The following RNF150 variants were observed in gnomAD, a reference collection of about 807,000 sequenced individuals.
RNF150 encodes the protein ring finger protein 150.
Under a neutral mutation model 39.3 loss-of-function variants are expected in RNF150, and 24 were observed. The ratio of observed to expected loss-of-function variants is 0.61; its 90% CI spans 0.44 to 0.86. RNF150 has a LOEUF of 0.86. RNF150 is among the 40% of genes least tolerant of loss of function. The pLI, the probability that RNF150 is intolerant of heterozygous loss-of-function variation, is 0.00. For missense variants in RNF150, 502 were observed against 587.8 expected (o/e 0.85, Z 1.51); for synonymous variants, 255 against 227.3 (o/e 1.12, Z -1.10).
intron 1 of RNF150, among the ~76,000 whole-genome samples, chr4:141,095,397 A>C (rs1245928799): frequency 1.3e-5 from 2 of 152,200 alleles, no homozygotes; most frequent in African/African-American, 4.8e-5. Flanking sequence ...TGCTTCTCTC[A>C]TAAGGAGCAA....
chr4:141,132,580 A>G lies in RNF150; in HGVS notation c.229T>C (p.Tyr77His). Residue 77 changes from tyrosine to histidine, a missense_variant, in exon 1 of 7, where the codon TAC becomes CAC. Coordinates refer to ENST00000515673, the MANE Select transcript of RNF150 (RefSeq NM_020724.2). This position sits in a 1 kb window ranked among gnomAD's most constrained non-coding sequence, Gnocchi z 4.9. The part of the protein sequence containing the change: ...LHTEKTECGR[Y>H]GEHSPKQDAR... Reference sequence around the variant, plus strand: ...TCCTGCTTGGGCGAGTGCTCTCCGTAGCGCCCGCACTCCGTCTTCTCCGTG... The same window carrying G: ...TCCTGCTTGGGCGAGTGCTCTCCGTGGCGCCCGCACTCCGTCTTCTCCGTG... 1 of 1,576,936 alleles carries G rather than the reference A, an allele frequency of 6.3e-7. No individual in the cohort carries two copies.
intron 6 of RNF150, among the ~76,000 whole-genome samples, 173 bp from the exon 7 acceptor site, chr4:140,868,552 G>A (rs1057486449): frequency 1.1e-4 from 16 of 152,266 alleles, no homozygotes; most frequent in South Asian, 2.1e-4. Context: ...GGGCCAAAAA[G>A]TTAAATGCAA....
rs569210053 is a variant in RNF150 at position 140,982,038 on chromosome 4, C to T, written c.485-14165G>A. On this transcript the variant is annotated intron_variant, in intron 1 of 6. Coordinates refer to ENST00000515673, the MANE Select transcript of RNF150 (RefSeq NM_020724.2). ...ATAGGCACTTTTTCTGTAGTGTTAA[C>T]GTCATCTTCACCATAACTATTATTA... is the stretch of plus-strand genomic sequence containing the variant. Among the ~76,000 whole-genome samples, 5 of 152,228 alleles carry T rather than the reference C, an allele frequency of 3.3e-5. No homozygotes were observed. The South Asian group carries it at 8.3e-4, about 25-fold the overall frequency.
Position 140,929,601 on chromosome 4 carries a change from C to T in RNF150, c.891-3528G>A, listed in dbSNP as rs185976044. 8.7e-4 allele frequency among the ~76,000 whole-genome samples: 132 copies of T among 152,026 alleles called. 1 individual carries two copies. Among genetic ancestry groups the T allele is most frequent in the East Asian group, 2.1e-3 (11 of 5,144 alleles). On this transcript the variant is annotated intron_variant, in intron 4 of 6. Transcript: ENST00000515673. ...CAGGATGGTCTCGATCTCCTGAACT[C>T]GTGATCCACTTGCCTCGGCCTCCCA...
At chr4:140,987,629 G>T (rs1271210126) in intron 1 of RNF150, among the ~76,000 whole-genome samples, 1 of 152,008 alleles carries the variant, frequency 6.6e-6, no homozygotes, top group Non-Finnish European at 1.5e-5. Flanking sequence ...ATAGATTAAA[G>T]ATTTAAACAT....
chr4:141,201,241 C>G (rs973684926), intron 1 of RNF150, among the ~76,000 whole-genome samples: 2 of 152,166 alleles, frequency 1.3e-5, no homozygotes, highest in African/African-American at 4.8e-5. Context: ...TATACAATTA[C>G]TATAAACAAT....
intron 1 of RNF150, among the ~76,000 whole-genome samples, chr4:140,999,942 AAAG>A (rs879391696): frequency 0.18 from 6,017 of 33,862 alleles, 902 homozygotes; most frequent in Middle Eastern, 0.37. Flanking sequence ...GGTCTCAAAA[AAAG>A]AAGAAGAAGA....
At chr4:141,049,118 T>C (rs561945437) in intron 1 of RNF150, among the ~76,000 whole-genome samples, 1 of 152,196 alleles carries the variant, frequency 6.6e-6, no homozygotes, top group African/African-American at 2.4e-5. Flanking sequence ...AGAAAGCAAA[T>C]AGGGCAATAA....
chr4:141,071,657 A>G (rs1284526938), intron 1 of RNF150, among the ~76,000 whole-genome samples: 1 of 152,184 alleles, frequency 6.6e-6, no homozygotes, highest in Non-Finnish European at 1.5e-5. Flanking sequence ...AAAATACAAC[A>G]TCCTATGACT....
chr4:140,883,038 T>C (rs904446127), intron 6 of RNF150, among the ~76,000 whole-genome samples: 6 of 152,122 alleles, frequency 3.9e-5, no homozygotes, highest in African/African-American at 7.2e-5. Flanking sequence ...TTTGATTTGT[T>C]TCTCATTTAT....
At chr4:140,913,982 G>T (rs931897954) in intron 5 of RNF150, among the ~76,000 whole-genome samples, 1 of 152,180 alleles carries the variant, frequency 6.6e-6, no homozygotes, top group Non-Finnish European at 1.5e-5. Flanking sequence ...AAAAGATTTC[G>T]CAAAGAGGGT....
At chr4:140,966,656 CACT>C (rs1733254797) in intron 2 of RNF150, among the ~76,000 whole-genome samples, 1 of 152,032 alleles carries the variant, frequency 6.6e-6, no homozygotes, top group Admixed American at 6.6e-5. Context: ...CTTACCAAAT[CACT>C]AACAATAAAA....
At chr4:140,930,942 G>T (rs964788089) in intron 4 of RNF150, among the ~76,000 whole-genome samples, 143 of 151,142 alleles carry the variant, frequency 9.5e-4, no homozygotes, top group Admixed American at 5.3e-4. Flanking sequence ...ATCTGCTGGG[G>T]TTTTTTTTTG....
intron 1 of RNF150, among the ~76,000 whole-genome samples, chr4:141,061,684 C>T (rs1366561028): frequency 6.6e-6 from 1 of 152,092 alleles, no homozygotes; most frequent in Non-Finnish European, 1.5e-5. Context: ...TCCAAGGAAG[C>T]CTTGCAAATT....
intron 1 of RNF150, among the ~76,000 whole-genome samples, chr4:140,971,143 G>A (rs142149451): frequency 6.6e-6 from 1 of 152,228 alleles, no homozygotes; most frequent in African/African-American, 2.4e-5. Flanking sequence ...ACTGATATGA[G>A]TATCAAATTC....
intron 5 of RNF150, among the ~76,000 whole-genome samples, chr4:140,915,908 CCA>C (rs1560964248): frequency 6.6e-6 from 1 of 152,172 alleles, no homozygotes; most frequent in East Asian, 1.9e-4. Flanking sequence ...TGTTCTGCAG[CCA>C]CCGCTGCTGA....
At chr4:141,172,709 G>T (rs995113790) in intron 1 of RNF150, among the ~76,000 whole-genome samples, 2 of 152,006 alleles carry the variant, frequency 1.3e-5, no homozygotes, top group Non-Finnish European at 2.9e-5. Context: ...AATTACACTT[G>T]GTTCAAAAGC....
intron 1 of RNF150, among the ~76,000 whole-genome samples, chr4:141,124,178 C>G (rs1453687913): frequency 1.3e-5 from 2 of 152,220 alleles, no homozygotes; most frequent in Non-Finnish European, 2.9e-5. Context: ...TCTAATAAAA[C>G]TTTTCTTTCA....
intron 1 of RNF150, among the ~76,000 whole-genome samples, chr4:141,062,306 A>G (rs1737265571): frequency 6.6e-6 from 1 of 152,122 alleles, no homozygotes; most frequent in Admixed American, 6.5e-5. Flanking sequence ...ACATGATATA[A>G]AGATAAACAT....
Sources: allele counts gnomAD v4.1 joint callset (sites outside exome capture counted in the v4.1 genomes callset), GRCh38; gene constraint gnomAD v4.1.1; non-coding constraint Gnocchi (gnomAD v3.1); transcripts MANE v1.5; gene names NCBI Gene and HGNC (gene_info 2026-07-23, HGNC 2026-07-21).